ATXN3: variants seen among roughly 807,000 people sequenced by gnomAD.
ATXN3 encodes the protein ataxin-3.
ATXN3 carries 28 observed loss-of-function variants against 58.2 expected under a neutral mutation model. The observed-to-expected ratio is 0.48, with a 90% confidence interval of 0.36 to 0.66. ATXN3 has a LOEUF of 0.66. Among genes scored for constraint, ATXN3 ranks in the 30% least tolerant of loss-of-function variants. ATXN3 has a pLI of 0.00. For synonymous variants in ATXN3, 113 were observed against 138.5 expected (o/e 0.82, Z 1.29); for missense variants, 321 against 422.1 (o/e 0.76, Z 2.10).
rs2068087943 is a variant in ATXN3, at chr14:92,105,572, C to G, written c.24+957G>C. 2.6e-5 allele frequency among the ~76,000 whole-genome samples: 4 copies of G among 152,170 alleles called. No homozygotes were observed. In the South Asian group the frequency reaches 8.3e-4, roughly 31 times the overall value. On this transcript the variant is annotated intron_variant, in intron 1 of 10. Transcript: ENST00000644486. ...ATAAAACAAAAACCCTTTGCTCCTC[C>G]TATTAAATAACAGCCTTACCAGCAA...
At position 92,083,026 on chromosome 14, in the gene ATXN3, C is replaced by A. The variant is rs1053523665; in HGVS notation, c.608+100G>T. The A allele has an allele frequency of 1.1e-5, 16 of 1,391,480 alleles. No individual in the cohort carries two copies. The South Asian group carries it at 2.2e-4, about 19-fold the overall frequency. The allele number at this position is 1,391,480 out of a possible 1,614,324, so 86.2% of individuals were successfully genotyped here. The stretch of plus-strand genomic sequence containing the variant: ...TAAAATATAAGGTCCAAAATAGAGT[C>A]GCCAACAACACAAGGACCACATATT... On this transcript the variant is annotated intron_variant, in intron 7 of 10. Transcript: ENST00000644486.
At chr14:92,045,362 G>A (rs1451478867) in intron 2 of ATXN3, among the ~76,000 whole-genome samples, 3 of 152,184 alleles carry the variant, frequency 2.0e-5, no homozygotes, top group Non-Finnish European at 4.4e-5. Context: ...AAGGTGGGAA[G>A]GCCAAACCGA....
downstream of ATXN3, among the ~76,000 whole-genome samples, chr14:92,057,774 T>C (rs1209192400): frequency 2.6e-5 from 4 of 152,180 alleles, no homozygotes; most frequent in Admixed American, 1.3e-4. Context: ...TTGGATAAAA[T>C]GAGGAAAAGC....
chr14:92,081,981 C>T (rs2061556076), intron 8 of ATXN3, among the ~76,000 whole-genome samples: 1 of 152,162 alleles, frequency 6.6e-6, no homozygotes, highest in African/African-American at 2.4e-5. Flanking sequence ...TCTAATGGCA[C>T]ATATTTATGT....
chr14:92,096,406 T>C, intron 2 of ATXN3: 2 of 1,052,148 alleles, frequency 1.9e-6, no homozygotes, highest in East Asian at 5.3e-5. Flanking sequence ...AGGTGGATCA[T>C]AAGGTCAGGA....
chr14:92,104,683 TG>T (rs2067765116), intron 1 of ATXN3, among the ~76,000 whole-genome samples: 1 of 151,204 alleles, frequency 6.6e-6, no homozygotes, highest in Non-Finnish European at 1.5e-5. Flanking sequence ...CCCAGCACTT[TG>T]GGAGGCCGAG....
chr14:92,064,413 A>G lies in ATXN3; in HGVS notation c.993T>C (p.Gly331=). 6.2e-7 allele frequency: 1 copy of G among 1,602,414 alleles called. No homozygotes were observed. Among genetic ancestry groups the G allele is most frequent in the Non-Finnish European group, 8.5e-7 (1 of 1,173,724 alleles). Residue 331 remains glycine (G), a splice_region_variant and synonymous_variant, in exon 11 of 11, where the codon GGT becomes GGC. Transcript: ENST00000644486. ...GCATGTCTTCTTCACTCATAGCATCACCTGTTGGGAAACAAAACCACATTT... is the reference window on the plus strand; with the variant it reads ...GCATGTCTTCTTCACTCATAGCATCGCCTGTTGGGAAACAAAACCACATTT... ...TSSGALGSDL[G]DAMSEEDMLQ...
At chr14:92,097,711 G>A (rs962576456) in intron 1 of ATXN3, among the ~76,000 whole-genome samples, 3 of 151,726 alleles carry the variant, frequency 2.0e-5, no homozygotes, top group Non-Finnish European at 2.9e-5. Context: ...ATTTTTAGTA[G>A]CGATACGGTT....
chr14:92,051,513 CTTTA>C (rs904161098), upstream of ATXN3, among the ~76,000 whole-genome samples: 2 of 151,910 alleles, frequency 1.3e-5, no homozygotes, highest in African/African-American at 4.8e-5. Context: ...CAGATCTTCT[CTTTA>C]TTTCTGATGC....
intron 9 of ATXN3, chr14:92,071,584 GAGA>G: frequency 3.5e-6 from 1 of 285,082 alleles, no homozygotes; most frequent in South Asian, 3.4e-5. Context: ...GCGACAGAGC[GAGA>G]CTCTGTCTCA....
chr14:92,064,569 T>G (rs547345432), intron 10 of ATXN3, among the ~76,000 whole-genome samples, 155 bp from the exon 11 acceptor site: 6 of 152,340 alleles, frequency 3.9e-5, no homozygotes, highest in African/African-American at 1.4e-4. Context: ...TAGTTCTATA[T>G]ATTTTGACAA....
chr14:92,094,271 G>C (rs989997712), intron 3 of ATXN3, among the ~76,000 whole-genome samples: 2 of 151,948 alleles, frequency 1.3e-5, no homozygotes, highest in Admixed American at 1.3e-4. Context: ...TGTGTGTATA[G>C]ATATATCACT....
intron 2 of ATXN3, 197 bp from the exon 3 acceptor site, chr14:92,096,334 A>G: frequency 2.1e-6 from 3 of 1,449,242 alleles, no homozygotes; most frequent in Non-Finnish European, 2.7e-6. Context: ...CATTTTTAAA[A>G]GAAATGTAAG....
At chr14:92,097,417 A>G (rs1330381237) in intron 1 of ATXN3, among the ~76,000 whole-genome samples, 1 of 149,986 alleles carries the variant, frequency 6.7e-6, no homozygotes, top group African/African-American at 2.5e-5. Flanking sequence ...TAGTATATAC[A>G]GGGTTTCACT....
intron 5 of ATXN3, among the ~76,000 whole-genome samples, chr14:92,089,951 G>A (rs533969980): frequency 6.6e-6 from 1 of 152,252 alleles, no homozygotes; most frequent in Non-Finnish European, 1.5e-5. Flanking sequence ...TAAATTAGCT[G>A]GGCATGCAGC....
At chr14:92,103,930 G>A (rs2067477713) in intron 1 of ATXN3, among the ~76,000 whole-genome samples, 1 of 152,200 alleles carries the variant, frequency 6.6e-6, no homozygotes, top group Non-Finnish European at 1.5e-5. Flanking sequence ...ACGGAAAAAT[G>A]GCACAGTAAG....
intron 5 of ATXN3, among the ~76,000 whole-genome samples, chr14:92,089,628 G>A (rs968814076): frequency 2.4e-4 from 36 of 152,202 alleles, no homozygotes; most frequent in African/African-American, 4.1e-4. Context: ...GTGAGCCACC[G>A]CGCCCGGCCC....
intron 1 of ATXN3, among the ~76,000 whole-genome samples, chr14:92,100,844 T>C (rs2066609068): frequency 6.6e-6 from 1 of 152,212 alleles, no homozygotes; most frequent in African/African-American, 2.4e-5. Context: ...GTACTCTTAA[T>C]GATTTGTGTG....
chr14:92,088,704 T>C (rs1287457516), intron 6 of ATXN3, 26 bp downstream of exon 6: 2 of 1,480,388 alleles, frequency 1.4e-6, no homozygotes, highest in Admixed American at 1.7e-5. Context: ...AAAGGTAACA[T>C]TACAAAATGT....
Sources: gnomAD v4.1 joint callset for allele counts (sites outside exome capture counted in the v4.1 genomes callset) on GRCh38, gnomAD v4.1.1 for gene constraint, MANE v1.5 for transcripts, NCBI Gene and HGNC (gene_info 2026-07-23, HGNC 2026-07-21) for gene names.